The following BUB1 variants were observed in gnomAD, a reference collection of about 807,000 sequenced individuals.
BUB1 encodes mitotic checkpoint serine/threonine-protein kinase BUB1.
BUB1 carries 84 observed loss-of-function variants against 135.2 expected under a neutral mutation model. The ratio of observed to expected loss-of-function variants is 0.62; its 90% CI spans 0.52 to 0.74. The LOEUF is 0.74. BUB1 is among the 30% of genes least tolerant of loss of function. The probability of loss-of-function intolerance (pLI) is 0.00; values close to 1 mark genes in which losing one functional copy is unlikely to be tolerated. For synonymous variants in BUB1, 403 were observed against 434.4 expected (o/e 0.93, Z 0.90); for missense variants, 1,162 against 1,288.3 (o/e 0.90, Z 1.50).
At chr2:110,647,653 T>C (rs949668844) in intron 19 of BUB1, among the ~76,000 whole-genome samples, 4 of 152,038 alleles carry the variant, frequency 2.6e-5, no homozygotes, top group Non-Finnish European at 4.4e-5. Context: ...ATCATACTTA[T>C]AGGTAATAAA....
Position 110,674,085 on chromosome 2 carries a change from C to A in BUB1, c.225+1G>T, listed in dbSNP as rs1690505297. 2.0e-6 allele frequency: 3 copies of A among 1,518,050 alleles called. No individual in the cohort carries two copies. The highest frequency in any genetic ancestry group is 1.4e-5 in the African/African-American group (1 of 71,956). The allele number at this position is 1,518,050 out of a possible 1,614,324, so 94.0% of individuals were successfully genotyped here. A position where few individuals can be genotyped will look rare whatever the true frequency, so the allele number is the denominator to read the frequency against. On this transcript the variant is annotated splice_donor_variant, in intron 3 of 24. Transcript: ENST00000302759. LOFTEE classifies it high-confidence loss of function. The stretch of plus-strand genomic sequence containing the variant: ...TGATTATACATCTTAAGTATACTTA[C>A]AAATTTTAAACAATAACTGATGAAT...
chr2:110,674,797 C>A (rs1162589908), intron 1 of BUB1: 2 of 217,292 alleles, frequency 9.2e-6, no homozygotes, highest in Non-Finnish European at 1.8e-5. Context: ...CAGACCTCTG[C>A]CCTTCCAGTG....
chr2:110,638,723 T>C (rs1689423740), intron 24 of BUB1, among the ~76,000 whole-genome samples: 1 of 152,364 alleles, frequency 6.6e-6, no homozygotes, highest in East Asian at 1.9e-4. Flanking sequence ...GAGGGTTAAC[T>C]TCCAGCTCTT....
In BUB1 at chr2:110,653,424, C is replaced by A. The variant is rs1335217877; in HGVS notation, c.1964+12G>T. 1.9e-6 allele frequency: 3 copies of A among 1,609,766 alleles called. No individual in the cohort carries two copies. The highest frequency in any genetic ancestry group is 2.6e-6 in the Non-Finnish European group (3 of 1,176,458). ...GAAGAGAATGGCAGAACCAAATAAA[C>A]CCTCACAATACCTGAATTTTCCATC... On this transcript the variant is annotated intron_variant, in intron 17 of 24. Transcript: ENST00000302759.
chr2:110,649,947 T>G (rs1689737403), intron 18 of BUB1, among the ~76,000 whole-genome samples: 1 of 152,160 alleles, frequency 6.6e-6, no homozygotes, highest in African/African-American at 2.4e-5. Flanking sequence ...TGGTTAACAC[T>G]CACTCAGCGC....
chr2:110,677,959 C>T lies in BUB1; in HGVS notation c.26+11G>A, dbSNP rs772216060. The T allele has an allele frequency of 1.1e-5, 17 of 1,608,052 alleles. No homozygotes were observed. Among genetic ancestry groups the T allele is most frequent in the Non-Finnish European group, 1.4e-5 (17 of 1,177,544 alleles). ...CCCTGGGCTTCCCCACCCCACCAGA[C>T]GGACACTTACTGAAGGACATTTTCC... On this transcript the variant is annotated intron_variant, in intron 1 of 24. Coordinates refer to ENST00000302759, the MANE Select transcript of BUB1 (RefSeq NM_004336.5).
At position 110,672,681 on chromosome 2, in the gene BUB1, C is replaced by T. The variant is rs376270629; in HGVS notation, c.402G>A (p.Glu134=). ...RGIQNQAEPR[E]FLQQQYRLFQ... Reference sequence around the variant, plus strand: ...ACTACCTGTATTGTTGTTGCAGGAACTCTCTGGGTTCAGCCTGGTTTTGAA... The same window carrying T: ...ACTACCTGTATTGTTGTTGCAGGAATTCTCTGGGTTCAGCCTGGTTTTGAA... The change falls in exon 4 of 25, where the codon GAG becomes GAA. Residue 134 remains glutamate, a synonymous_variant. Coordinates refer to ENST00000302759, the MANE Select transcript of BUB1 (RefSeq NM_004336.5). The T allele has an allele frequency of 6.3e-7, 1 of 1,596,008 alleles. No homozygotes were observed.
intron 3 of BUB1, among the ~76,000 whole-genome samples, chr2:110,673,692 A>G (rs1189950889): frequency 6.6e-6 from 1 of 152,014 alleles, no homozygotes; most frequent in African/African-American, 2.4e-5. Flanking sequence ...TCCACCTCCC[A>G]GGCTCGAGCA....
intron 9 of BUB1, among the ~76,000 whole-genome samples, chr2:110,662,634 T>C (rs894969058): frequency 1.6e-4 from 25 of 152,138 alleles, no homozygotes; most frequent in African/African-American, 5.6e-4. Context: ...ACCCTGTCTC[T>C]ACAAAAAAAT....
chr2:110,657,629 A>C lies in BUB1; in HGVS notation c.1533T>G (p.Ser511=). 6.3e-7 allele frequency: 1 copy of C among 1,587,142 alleles called. No individual in the cohort carries two copies. The highest frequency in any genetic ancestry group is 8.6e-7 in the Non-Finnish European group (1 of 1,166,026). ...EAQFQKNVRS[S]GAWGVNKIIS... ...TGATCTTATTGACTCCCCAAGCCCC[A>C]GATGACCTTACATTTTCTGCAACAG... Residue 511 remains serine, a synonymous_variant, in exon 14 of 25, where the codon TCT becomes TCG. Coordinates refer to ENST00000302759, the MANE Select transcript of BUB1 (RefSeq NM_004336.5).
intron 8 of BUB1, among the ~76,000 whole-genome samples, chr2:110,666,919 C>T (rs1266781660): frequency 6.6e-6 from 1 of 152,170 alleles, no homozygotes; most frequent in Non-Finnish European, 1.5e-5. Flanking sequence ...TGGCTTAAAA[C>T]TTCTGGTCAC....
intron 5 of BUB1, 48 bp downstream of exon 5, chr2:110,670,477 C>A (rs780612124): frequency 1.2e-6 from 2 of 1,601,686 alleles, no homozygotes; most frequent in East Asian, 4.5e-5. Flanking sequence ...TAGTACAAAT[C>A]CAAGACTAAA....
Position 110,641,484 on chromosome 2 carries a change from G to T in BUB1, c.2626-20C>A, listed in dbSNP as rs1277749455. The T allele has an allele frequency of 6.3e-7, 1 of 1,592,772 alleles. No homozygotes were observed. The highest frequency in any genetic ancestry group is 1.1e-5 in the South Asian group (1 of 87,394). ...GGCATTCTAGGAACAATGGAAAGTGGAATCCTGAGTTAGTTGCACAAGATT... is the reference window on the plus strand; with the variant it reads ...GGCATTCTAGGAACAATGGAAAGTGTAATCCTGAGTTAGTTGCACAAGATT... On this transcript the variant is annotated intron_variant, in intron 21 of 24. Transcript: ENST00000302759.
chr2:110,643,002 G>C (rs1441237159), intron 19 of BUB1, among the ~76,000 whole-genome samples: 1 of 152,246 alleles, frequency 6.6e-6, no homozygotes, highest in East Asian at 1.9e-4. Flanking sequence ...TGTACTAGTA[G>C]ATTTTTAAAT....
chr2:110,670,668 G>T (rs1690397172), intron 4 of BUB1, 100 bp from the exon 5 acceptor site: 3 of 1,233,836 alleles, frequency 2.4e-6, no homozygotes, highest in Non-Finnish European at 3.5e-6. Flanking sequence ...TTATAAGCTA[G>T]TAAAGTCTGA....
In BUB1 at chr2:110,648,174, C is replaced by T. The variant is rs1044500885; in HGVS notation, c.2347+1060G>A. Among the ~76,000 whole-genome samples, 16 of 151,222 alleles carry T rather than the reference C, an allele frequency of 1.1e-4. No homozygotes were observed. Among genetic ancestry groups the T allele is most frequent in the African/African-American group, 3.9e-4 (16 of 41,096 alleles). ...TCATTAGATGAGTGGAAAGGTTTAACGGTGTGGTACATTCATGCACTAAAC... is the reference window on the plus strand; with the variant it reads ...TCATTAGATGAGTGGAAAGGTTTAATGGTGTGGTACATTCATGCACTAAAC... On this transcript the variant is annotated intron_variant, in intron 19 of 24. Coordinates refer to ENST00000302759, the MANE Select transcript of BUB1 (RefSeq NM_004336.5). The surrounding 1 kb of genome is among the most constrained non-coding windows in gnomAD (Gnocchi z 4.2).
intron 3 of BUB1, among the ~76,000 whole-genome samples, 196 bp downstream of exon 3, chr2:110,673,890 C>T (rs1301460550): frequency 4.6e-5 from 7 of 152,158 alleles, no homozygotes; most frequent in Admixed American, 4.6e-4. Flanking sequence ...TGAGCCACTG[C>T]GCCCAGCCCC....
Position 110,663,064 on chromosome 2 carries a change from A to G in BUB1, c.958-1223T>C, listed in dbSNP as rs574429425. On this transcript the variant is annotated intron_variant, in intron 9 of 24. Coordinates refer to ENST00000302759, the MANE Select transcript of BUB1 (RefSeq NM_004336.5). ...TGGAGGCCGAGGTAGGTGGATCACA[A>G]GGTCAGGAGTTCACGATCAGCCTGG... Among the ~76,000 whole-genome samples the G allele has an allele frequency of 7.2e-5, 11 of 152,330 alleles. No homozygotes were observed. In the East Asian group the frequency reaches 2.1e-3, roughly 29 times the overall value.
rs1690359972 is a variant in BUB1 at position 110,669,532 on chromosome 2, T to G, written c.488A>C (p.His163Pro). Reference protein sequence around the residue: ...PAQARTSEPLHNVQVLNQMIT... With the variant: ...PAQARTSEPLPNVQVLNQMIT... ...CATTTGATTTAAAACCTGAACATTA[T>G]GCAGAGGTTCTGAGGTTCTAGCTAT... Residue 163 changes from histidine to proline, a missense_variant, in exon 6 of 25, where the codon CAT becomes CCT. By Grantham distance (77) the His-to-Pro change is moderately conservative. Transcript: ENST00000302759. The G allele has an allele frequency of 6.2e-7, 1 of 1,608,120 alleles. No individual in the cohort carries two copies. The highest frequency in any genetic ancestry group is 8.5e-7 in the Non-Finnish European group (1 of 1,174,840).
Sources: gnomAD v4.1 joint callset for allele counts (sites outside exome capture counted in the v4.1 genomes callset) on GRCh38, gnomAD v4.1.1 for gene constraint, Gnocchi (gnomAD v3.1) non-coding constraint, MANE v1.5 for transcripts, NCBI Gene and HGNC (gene_info 2026-07-23, HGNC 2026-07-21) for gene names.